The following REV3L variants were observed in gnomAD, a reference collection of about 807,000 sequenced individuals.
REV3L encodes DNA polymerase zeta catalytic subunit.
In REV3L, 69 loss-of-function variants were observed where a neutral mutation model predicts 299.4. That is an observed-to-expected ratio of 0.23 (90% CI 0.19 to 0.28). The LOEUF (loss-of-function observed/expected upper bound fraction) is 0.28, where lower values mean the gene tolerates loss of function less well. Ranked by LOEUF, REV3L falls within the 10% of genes least tolerant of loss-of-function variation. The pLI is 1.00. For synonymous variants in REV3L, 1,238 were observed against 1,271.4 expected (o/e 0.97, Z 0.56); for missense variants, 3,128 against 3,693.8 (o/e 0.85, Z 3.97).
At chr6:111,482,514 C>T (rs2128350181) in intron 1 of REV3L, among the ~76,000 whole-genome samples, 1 of 151,816 alleles carries the variant, frequency 6.6e-6, no homozygotes, top group South Asian at 2.1e-4. Flanking sequence ...ACACGCGGCG[C>T]TCGCCACCTC....
chr6:111,470,448 T>G (rs1326697353), intron 1 of REV3L, among the ~76,000 whole-genome samples: 3 of 152,192 alleles, frequency 2.0e-5, no homozygotes, highest in Non-Finnish European at 2.9e-5. Flanking sequence ...TTTCCTCAAC[T>G]GTAAAATGGG....
chr6:111,463,497 G>A (rs1192722927), intron 1 of REV3L, among the ~76,000 whole-genome samples: 2 of 152,170 alleles, frequency 1.3e-5, no homozygotes, highest in Admixed American at 6.6e-5. Context: ...TAAATATGGT[G>A]CACTACTGAT....
At chr6:111,430,758 A>G in intron 1 of REV3L, 1 of 1,589,044 alleles carries the variant, frequency 6.3e-7, no homozygotes, top group South Asian at 1.1e-5. Context: ...AATAATTTAG[A>G]GAGAGCGCAG....
Position 111,439,613 on chromosome 6 carries a change from TTC to T in REV3L, c.140-23143_140-23142del, listed in dbSNP as rs537358742. 2.0e-3 allele frequency among the ~76,000 whole-genome samples: 309 copies of T among 152,344 alleles called. 2 individuals carry two copies. Among genetic ancestry groups the T allele is most frequent in the South Asian group, 3.9e-3 (19 of 4,826 alleles). On this transcript the variant is annotated intron_variant, in intron 1 of 31. Coordinates refer to ENST00000368802, the MANE Select transcript of REV3L (RefSeq NM_001372078.1). ...AAAGAAATCGTTTTGAAGTATGGTCTTCTCTTATTCTACCCAATAACAACGAA... is the reference window on the plus strand; with the variant it reads ...AAAGAAATCGTTTTGAAGTATGGTCTTCTTATTCTACCCAATAACAACGAA...
chr6:111,378,020 GC>G (rs1780483788), intron 11 of REV3L, among the ~76,000 whole-genome samples, 177 bp from the exon 12 acceptor site: 1 of 152,096 alleles, frequency 6.6e-6, no homozygotes, highest in Non-Finnish European at 1.5e-5. Flanking sequence ...TTCTAGAAAA[GC>G]ATATTTACTT....
intron 1 of REV3L, among the ~76,000 whole-genome samples, chr6:111,482,434 C>G (rs1793850822): frequency 6.6e-6 from 1 of 152,126 alleles, no homozygotes; most frequent in Non-Finnish European, 1.5e-5. Flanking sequence ...CCGGGGCGCC[C>G]GCGGCTTTCG....
intron 1 of REV3L, among the ~76,000 whole-genome samples, chr6:111,429,662 G>A (rs971360767): frequency 3.3e-5 from 5 of 152,246 alleles, no homozygotes; most frequent in Admixed American, 6.5e-5. Flanking sequence ...TGTGGGGGGC[G>A]GGGTGGGGTG....
At chr6:111,395,333 C>T (rs1240738866) in intron 4 of REV3L, among the ~76,000 whole-genome samples, 1 of 152,046 alleles carries the variant, frequency 6.6e-6, no homozygotes, top group African/African-American at 2.4e-5. Context: ...TGTTTCTGAT[C>T]CATGAACATG....
Position 111,299,978 on chromosome 6 carries a change from G to A in REV3L, c.*38C>T. 1 of 1,587,762 alleles carries A rather than the reference G, an allele frequency of 6.3e-7. No individual in the cohort carries two copies. The highest frequency in any genetic ancestry group is 8.6e-7 in the Non-Finnish European group (1 of 1,167,592). ...GCACAACAGTTTAGTGGTAAGCACTGAAAAAAATAGCACCTGTAATACTGT... is the reference window on the plus strand; with the variant it reads ...GCACAACAGTTTAGTGGTAAGCACTAAAAAAAATAGCACCTGTAATACTGT... On this transcript the variant is annotated 3_prime_UTR_variant, in exon 32 of 32. Transcript: ENST00000368802.
intron 26 of REV3L, among the ~76,000 whole-genome samples, chr6:111,320,196 G>A (rs528058419): frequency 6.6e-6 from 1 of 152,266 alleles, no homozygotes; most frequent in East Asian, 1.9e-4. Flanking sequence ...AGCCTCCCAA[G>A]TAACTGGGAT....
intron 1 of REV3L, among the ~76,000 whole-genome samples, chr6:111,481,044 C>T (rs1793569840): frequency 6.6e-6 from 1 of 152,050 alleles, no homozygotes; most frequent in Non-Finnish European, 1.5e-5. Context: ...CGAAACTTTC[C>T]TATACAACAA....
At chr6:111,403,146 T>C (rs1206218361) in intron 4 of REV3L, among the ~76,000 whole-genome samples, 2 of 152,156 alleles carry the variant, frequency 1.3e-5, no homozygotes, top group African/African-American at 4.8e-5. Context: ...ACCCCACATA[T>C]TATATGATTC....
In REV3L at chr6:111,372,819, CATT is replaced by C. The variant is rs750329653; in HGVS notation, c.5533_5535del (p.Asn1845del). ...CTATCAGGAGTTGGTGTCAACATAT[CATT>C]GTTTCTTGAAACATACAGTTCTAAA... On this transcript the variant is annotated inframe_deletion, in exon 13 of 32. Transcript: ENST00000368802. 1.9e-6 allele frequency: 3 copies of C among 1,613,678 alleles called. No individual in the cohort carries two copies. Among genetic ancestry groups the C allele is most frequent in the Admixed American group, 3.3e-5 (2 of 59,972 alleles).
intron 1 of REV3L, among the ~76,000 whole-genome samples, chr6:111,419,238 A>G (rs894873685): frequency 5.9e-5 from 9 of 152,206 alleles, no homozygotes; most frequent in Non-Finnish European, 1.0e-4. Context: ...CCACAACACA[A>G]GGAATTCTTG....
chr6:111,335,380 A>G, intron 22 of REV3L, 89 bp downstream of exon 22: 2 of 1,396,688 alleles, frequency 1.4e-6, no homozygotes, highest in East Asian at 2.4e-5. Context: ...TACCAAACAG[A>G]AAGTTTAAAA....
At chr6:111,352,019 T>C (rs1777620361) in intron 18 of REV3L, among the ~76,000 whole-genome samples, 1 of 151,970 alleles carries the variant, frequency 6.6e-6, no homozygotes, top group South Asian at 2.1e-4. Flanking sequence ...TTTCTTTTTT[T>C]TTTTTGAGAT....
intron 1 of REV3L, among the ~76,000 whole-genome samples, chr6:111,417,590 T>C (rs55812705): frequency 0.19 from 29,503 of 152,200 alleles, 3,321 homozygotes; most frequent in Middle Eastern, 0.34. Flanking sequence ...TTGGTAGGAA[T>C]GTAAATATTT....
At position 111,309,985 on chromosome 6, in the gene REV3L, C is replaced by T; in HGVS notation, c.8910G>A (p.Val2970=). ...TCAGAGTTGGGTCCTGCAGGACTTC[C>T]ACTGGGCGCCTTACAAGCTGGATAA... is the stretch of plus-strand genomic sequence containing the variant. The part of the protein sequence containing the change: ...VPLIQLVRRP[V]EVLQDPTLRL... Residue 2970 remains valine (V), a synonymous_variant, in exon 30 of 32, where the codon GTG becomes GTA. Transcript: ENST00000368802. 6.2e-7 allele frequency: 1 copy of T among 1,613,820 alleles called. No homozygotes were observed. The highest frequency in any genetic ancestry group is 1.1e-5 in the South Asian group (1 of 91,042).
intron 1 of REV3L, among the ~76,000 whole-genome samples, chr6:111,458,634 C>A (rs910722383): frequency 6.6e-6 from 1 of 151,984 alleles, no homozygotes; most frequent in Non-Finnish European, 1.5e-5. Flanking sequence ...TTCTACGTAA[C>A]AATAACCTTC....
Sources: gnomAD v4.1 joint callset for allele counts (sites outside exome capture counted in the v4.1 genomes callset) on GRCh38, gnomAD v4.1.1 for gene constraint, MANE v1.5 for transcripts, NCBI Gene and HGNC (gene_info 2026-07-23, HGNC 2026-07-21) for gene names.